Variants in MMP1 observed in about 807,000 individuals in gnomAD.
MMP1 encodes interstitial collagenase.
A neutral mutation model predicts 49.6 loss-of-function variants in MMP1; 51 were observed. That is an observed-to-expected ratio of 1.03 (90% confidence interval 0.82 to 1.30). The LOEUF (loss-of-function observed/expected upper bound fraction) is 1.30, where lower values mean the gene tolerates loss of function less well. MMP1 is among the 50% of genes most tolerant of loss of function. The pLI, the probability that MMP1 is intolerant of heterozygous loss-of-function variation, is 0.00. For missense variants in MMP1, 623 were observed against 568.7 expected (o/e 1.10, Z -0.97); for synonymous variants, 230 against 196.8 (o/e 1.17, Z -1.41).
intron 9 of MMP1, 36 bp from the exon 10 acceptor site, chr11:102,790,557 C>T (rs776034423): frequency 7.2e-7 from 1 of 1,389,752 alleles, no homozygotes; most frequent in Admixed American, 1.8e-5. Flanking sequence ...CTACATTATA[C>T]AAGTAGTTTC....
At position 102,797,288 on chromosome 11, in the gene MMP1, G is replaced by T; in HGVS notation, c.318C>A (p.Asn106Lys). ...DVAQFVLTEG[N>K]PRWEQTHLTY... ...TCAGATGTGTTTGCTCCCAGCGAGG[G>T]TTCCCCTCAGTGAGGACAAACTGAG... Residue 106 changes from asparagine to lysine, a missense_variant, in exon 2 of 10, where the codon AAC becomes AAA. Physicochemically the swap from Asn to Lys is moderately conservative, Grantham distance 94 (BLOSUM62 0). Coordinates refer to ENST00000315274, the MANE Select transcript of MMP1 (RefSeq NM_002421.4). 5.0e-6 allele frequency: 8 copies of T among 1,614,152 alleles called. No individual in the cohort carries two copies. The highest frequency in any genetic ancestry group is 6.8e-6 in the Non-Finnish European group (8 of 1,180,038).
chr11:102,791,989 G>A (rs17880645), intron 7 of MMP1, among the ~76,000 whole-genome samples: 4 of 152,118 alleles, frequency 2.6e-5, no homozygotes, highest in African/African-American at 7.2e-5. Context: ...TCCAGATTCC[G>A]TGTTTATACT....
Position 102,795,483 on chromosome 11 carries a change from C to T in MMP1, c.750G>A (p.Gln250=). ...TGGCTTGGATGCCATCAATGTCATC[C>T]TGAGCTAGCTGAACATCACCACTGA... ...YTFSGDVQLA[Q]DDIDGIQAIY... The change falls in exon 5 of 10, where the codon CAG becomes CAA. Residue 250 remains glutamine, a synonymous_variant. Transcript: ENST00000315274. The T allele has an allele frequency of 6.2e-7, 1 of 1,613,990 alleles. No homozygotes were observed. Among genetic ancestry groups the T allele is most frequent in the South Asian group, 1.1e-5 (1 of 91,042 alleles).
In MMP1 at chr11:102,790,115, T is replaced by G. The variant is rs909799537; in HGVS notation, c.*297A>C. On this transcript the variant is annotated 3_prime_UTR_variant, in exon 10 of 10. Coordinates refer to ENST00000315274, the MANE Select transcript of MMP1 (RefSeq NM_002421.4). ...TATGTTTGTCACTGAAGCTGCTCTC[T>G]GGGATCAACGTCAGAGTTGCATACT... 4.9e-6 allele frequency: 1 copy of G among 203,298 alleles called. No individual in the cohort carries two copies. The highest frequency in any genetic ancestry group is 5.8e-5 in the Admixed American group (1 of 17,264). 12.6% of individuals were successfully genotyped at this position (203,298 alleles called of 1,614,324 possible). A position where few individuals can be genotyped will look rare whatever the true frequency, so the allele number is the denominator to read the frequency against.
intron 1 of MMP1, among the ~76,000 whole-genome samples, 182 bp from the exon 2 acceptor site, chr11:102,797,682 A>G (rs1395589205): frequency 1.3e-5 from 2 of 152,124 alleles, no homozygotes; most frequent in African/African-American, 4.8e-5. Context: ...TGTCCCTACT[A>G]TTAGTTATTG....
At position 102,797,298 on chromosome 11, in the gene MMP1, G is replaced by A. The variant is rs146887036; in HGVS notation, c.308C>T (p.Thr103Ile). The A allele has an allele frequency of 1.3e-4, 202 of 1,614,086 alleles. No individual in the cohort carries two copies. Among genetic ancestry groups the A allele is most frequent in the Non-Finnish European group, 6.7e-5 (79 of 1,180,050 alleles). Residue 103 changes from threonine to isoleucine, a missense_variant, in exon 2 of 10, where the codon ACT (threonine) becomes ATT (isoleucine). Coordinates refer to ENST00000315274, the MANE Select transcript of MMP1 (RefSeq NM_002421.4). ...TTGCTCCCAGCGAGGGTTCCCCTCA[G>A]TGAGGACAAACTGAGCCACATCAGG... ...GVPDVAQFVL[T>I]EGNPRWEQTH...
In MMP1 at chr11:102,790,497, G is replaced by T. The variant is rs776063507; in HGVS notation, c.1325C>A (p.Thr442Lys). ...KDGFFYFFHG[T>K]RQYKFDPKTK... ...TTTAGGATCAAATTTGTATTGTCTT[G>T]TTCCATGAAAGAAATAGAAAAATCC... The change falls in exon 10 of 10, where the codon ACA becomes AAA. Residue 442 changes from threonine (T) to lysine (K), a missense_variant. Transcript: ENST00000315274. 1.2e-6 allele frequency: 2 copies of T among 1,604,160 alleles called. No homozygotes were observed. Among genetic ancestry groups the T allele is most frequent in the Admixed American group, 1.7e-5 (1 of 59,106 alleles).
chr11:102,796,951 C>T (rs1858209845), intron 3 of MMP1, 63 bp downstream of exon 3: 3 of 1,558,240 alleles, frequency 1.9e-6, no homozygotes, highest in Middle Eastern at 1.7e-4. Flanking sequence ...ACAATCAATT[C>T]CAGTTGCAAA....
chr11:102,793,996 C>A (rs1276474885), intron 6 of MMP1, among the ~76,000 whole-genome samples: 1 of 152,200 alleles, frequency 6.6e-6, no homozygotes, highest in Non-Finnish European at 1.5e-5. Flanking sequence ...GACATGGCGA[C>A]ATTTAAATGA....
Position 102,790,723 on chromosome 11 carries a change from T to A in MMP1, c.1280A>T (p.Asp427Val). 6.2e-7 allele frequency: 1 copy of A among 1,611,738 alleles called. No individual in the cohort carries two copies. Among genetic ancestry groups the A allele is most frequent in the Non-Finnish European group, 8.5e-7 (1 of 1,177,930 alleles). The change falls in exon 9 of 10, where the codon GAT (aspartate) becomes GTT (valine). Residue 427 changes from aspartate to valine, a missense_variant. Coordinates refer to ENST00000315274, the MANE Select transcript of MMP1 (RefSeq NM_002421.4). ...CTTACCATCTTTCATGAAAACTGCA[T>A]CAACTTTGTGGCCAATTCCAGGAAA... ...HDFPGIGHKV[D>V]AVFMKDGFFY...
chr11:102,791,941 A>T (rs1279817527), intron 7 of MMP1, among the ~76,000 whole-genome samples: 4 of 152,204 alleles, frequency 2.6e-5, no homozygotes, highest in African/African-American at 9.6e-5. Context: ...ACTGCATTTG[A>T]CTAGAAGATA....
chr11:102,796,776 G>A lies in MMP1; in HGVS notation c.513C>T (p.Asn171=). 1.9e-6 allele frequency: 3 copies of A among 1,613,686 alleles called. No individual in the cohort carries two copies. Among genetic ancestry groups the A allele is most frequent in the Middle Eastern group, 1.7e-4 (1 of 6,060 alleles). ...ISFVRGDHRD[N]SPFDGPGGNL... is the part of the protein sequence containing the mutation. Reference sequence around the variant, plus strand: ...TTCCTCCAGGTCCATCAAAAGGAGAGTTGTCCCGATGATCTGAAAGAAACA... The same window carrying A: ...TTCCTCCAGGTCCATCAAAAGGAGAATTGTCCCGATGATCTGAAAGAAACA... Residue 171 remains asparagine (N), a synonymous_variant, in exon 4 of 10, where the codon AAC becomes AAT. Coordinates refer to ENST00000315274, the MANE Select transcript of MMP1 (RefSeq NM_002421.4).
At position 102,792,725 on chromosome 11, in the gene MMP1, T is replaced by C. The variant is rs56028730; in HGVS notation, c.913A>G (p.Thr305Ala). The C allele has an allele frequency of 5.5e-4, 884 of 1,613,004 alleles. 1 individual carries two copies. Among genetic ancestry groups the C allele is most frequent in the Non-Finnish European group, 6.8e-4 (801 of 1,179,510 alleles). Reference sequence around the variant, plus strand: ...TCAACTTCCGGGTAGAAGGGATTTGTGCGCATGTAGAATCTGATTAGAAAA... The same window carrying C: ...TCAACTTCCGGGTAGAAGGGATTTGCGCGCATGTAGAATCTGATTAGAAAA... The part of the protein sequence containing the change: ...MFFKDRFYMR[T>A]NPFYPEVELN... Residue 305 changes from threonine (T) to alanine (A), a missense_variant, in exon 7 of 10, where the codon ACA becomes GCA. By Grantham distance (58) the Thr-to-Ala change is moderately conservative. Transcript: ENST00000315274.
intron 4 of MMP1, among the ~76,000 whole-genome samples, chr11:102,796,070 C>G (rs1419575607): frequency 6.6e-6 from 1 of 152,176 alleles, no homozygotes; most frequent in Non-Finnish European, 1.5e-5. Flanking sequence ...CCTGCCTCAG[C>G]CTCCTGAGTA....
In MMP1 at chr11:102,797,971, T is replaced by A; in HGVS notation, c.105+17A>T. The A allele has an allele frequency of 1.3e-6, 2 of 1,548,328 alleles. No homozygotes were observed. The highest frequency in any genetic ancestry group is 1.8e-6 in the Non-Finnish European group (2 of 1,125,802). The stretch of plus-strand genomic sequence containing the variant: ...ACTAAAAATTTACATTATTGTCACA[T>A]GCAATGCAGCATTTACCTGGACTAA... On this transcript the variant is annotated intron_variant, in intron 1 of 9. Transcript: ENST00000315274.
Position 102,796,753 on chromosome 11 carries a change from C to A in MMP1, c.536G>T (p.Gly179Val). The A allele has an allele frequency of 6.2e-7, 1 of 1,613,930 alleles. No individual in the cohort carries two copies. Among genetic ancestry groups the A allele is most frequent in the Non-Finnish European group, 8.5e-7 (1 of 1,179,946 alleles). Residue 179 changes from glycine to valine, a missense_variant, in exon 4 of 10, where the codon GGA (glycine) becomes GTA (valine). By Grantham distance (109) the Gly-to-Val change is moderately radical. Coordinates refer to ENST00000315274, the MANE Select transcript of MMP1 (RefSeq NM_002421.4). ...TGGTTGAAAAGCATGAGCAAGATTT[C>A]CTCCAGGTCCATCAAAAGGAGAGTT... ...RDNSPFDGPG[G>V]NLAHAFQPGP...
chr11:102,791,434 G>A lies in MMP1; in HGVS notation c.1095C>T (p.Tyr365=). The change falls in exon 8 of 10, where the codon TAC becomes TAT. Residue 365 remains tyrosine, a synonymous_variant. Coordinates refer to ENST00000315274, the MANE Select transcript of MMP1 (RefSeq NM_002421.4). ...NVLHGYPKDI[Y]SSFGFPRTVK... is the part of the protein sequence containing the mutation. Reference sequence around the variant, plus strand: ...CAGTTCTAGGGAAGCCAAAGGAGCTGTAGATGTCCTTGGGGTATCCGTGTA... The same window carrying A: ...CAGTTCTAGGGAAGCCAAAGGAGCTATAGATGTCCTTGGGGTATCCGTGTA... The A allele has an allele frequency of 6.2e-7, 1 of 1,613,992 alleles. No homozygotes were observed. Among genetic ancestry groups the A allele is most frequent in the Non-Finnish European group, 8.5e-7 (1 of 1,179,828 alleles).
chr11:102,791,308 T>C, intron 8 of MMP1, 25 bp downstream of exon 8: 1 of 1,613,306 alleles, frequency 6.2e-7, no homozygotes, highest in Non-Finnish European at 8.5e-7. Flanking sequence ...ACTGAGGCCC[T>C]AACATTCTCT....
At position 102,798,017 on chromosome 11, in the gene MMP1, T is replaced by C; in HGVS notation, c.76A>G (p.Thr26Ala). The change falls in exon 1 of 10, where the codon ACA becomes GCA. Residue 26 changes from threonine to alanine, a missense_variant. Coordinates refer to ENST00000315274, the MANE Select transcript of MMP1 (RefSeq NM_002421.4). ...ACTAAGTCCACATCTTGCTCTTGTG[T>C]TTCTAGAGTCGCTGGGAAGCTGTGA... The part of the protein sequence containing the change: ...VSHSFPATLE[T>A]QEQDVDLVQK... The C allele has an allele frequency of 3.1e-6, 5 of 1,613,714 alleles. No homozygotes were observed. Among genetic ancestry groups the C allele is most frequent in the Non-Finnish European group, 3.4e-6 (4 of 1,179,880 alleles).
Sources: gnomAD v4.1 joint callset for allele counts (sites outside exome capture counted in the v4.1 genomes callset) on GRCh38, gnomAD v4.1.1 for gene constraint, MANE v1.5 for transcripts, NCBI Gene and HGNC (gene_info 2026-07-23, HGNC 2026-07-21) for gene names.